SLC22A23: variants seen among roughly 807,000 people sequenced by gnomAD.
SLC22A23 encodes solute carrier family 22 member 23, also known as ion transporter protein.
In SLC22A23, 26 loss-of-function variants were observed where a neutral mutation model predicts 61.0. The observed-to-expected ratio is 0.43, with a 90% CI of 0.31 to 0.59. The LOEUF (loss-of-function observed/expected upper bound fraction) is 0.59. SLC22A23 is among the 20% of genes least tolerant of loss of function. The pLI, the probability that SLC22A23 is intolerant of heterozygous loss-of-function variation, is 0.11. For missense variants in SLC22A23, 796 were observed against 934.7 expected, an observed-to-expected ratio of 0.85 and a Z score of 1.94; for synonymous variants, 430 against 413.9, an observed-to-expected ratio of 1.04 and a Z score of -0.47.
chr6:3,342,465 T>TTC lies in SLC22A23; in HGVS notation c.914-18465_914-18464dup, dbSNP rs1764205361. Among the ~76,000 whole-genome samples the TTC allele has an allele frequency of 1.3e-5, 2 of 152,170 alleles. No homozygotes were observed. Among genetic ancestry groups the TTC allele is most frequent in the Non-Finnish European group, 2.9e-5 (2 of 68,036 alleles). On this transcript the variant is annotated intron_variant, in intron 3 of 9. Transcript: ENST00000406686. The surrounding 1 kb of genome is among the most constrained non-coding windows in gnomAD (Gnocchi z 4.0). ...CCTCCTTTGAAACACACACACCTCT[T>TTC]TCTCTCTCCCAGTCTGCAGAGGTCC...
intron 5 of SLC22A23, among the ~76,000 whole-genome samples, chr6:3,293,423 G>A (rs944435647): frequency 2.0e-5 from 3 of 152,252 alleles, no homozygotes; most frequent in South Asian, 2.1e-4. Flanking sequence ...CCTCCGGGAC[G>A]GATTTAGAAT....
intron 3 of SLC22A23, among the ~76,000 whole-genome samples, chr6:3,376,975 G>A (rs144697476): frequency 4.6e-5 from 7 of 152,028 alleles, no homozygotes; most frequent in East Asian, 1.9e-4. Context: ...TGAAGGTGTC[G>A]GGGGAAGGGC....
At chr6:3,290,439 A>G (rs1255285332) in intron 5 of SLC22A23, 2 of 178,672 alleles carry the variant, frequency 1.1e-5, no homozygotes, top group African/African-American at 4.8e-5. Context: ...ACATAAGTGA[A>G]CACATCTGCG....
At chr6:3,359,491 C>G (rs944055919) in intron 3 of SLC22A23, among the ~76,000 whole-genome samples, 3 of 152,196 alleles carry the variant, frequency 2.0e-5, no homozygotes, top group African/African-American at 4.8e-5. Context: ...AATGTGGTAG[C>G]CCTTCACATC....
chr6:3,279,509 C>CAAAAAAAAAA lies in SLC22A23; in HGVS notation c.1703+4333_1703+4342dup, dbSNP rs10642564. On this transcript the variant is annotated intron_variant, in intron 9 of 9. Transcript: ENST00000406686. ...CTGGCAACAGAGCAAGGCTCCGTCT[C>CAAAAAAAAAA]AAAAAAAAAAAAAAAAAAAAAAAAA... is the stretch of plus-strand genomic sequence containing the variant. Among the ~76,000 whole-genome samples the CAAAAAAAAAA allele has an allele frequency of 4.9e-3, 176 of 36,012 alleles. 42 individuals are homozygous for CAAAAAAAAAA. Among genetic ancestry groups the CAAAAAAAAAA allele is most frequent in the African/African-American group, 8.6e-3 (117 of 13,640 alleles). 23.6% of individuals were successfully genotyped at this position (36,012 alleles called of 152,430 possible). A position where few individuals can be genotyped will look rare whatever the true frequency, so the allele number is the denominator to read the frequency against.
At chr6:3,326,119 C>A (rs1321555140) in intron 3 of SLC22A23, among the ~76,000 whole-genome samples, 5 of 152,212 alleles carry the variant, frequency 3.3e-5, no homozygotes, top group African/African-American at 9.6e-5. Flanking sequence ...TCTAGGTTTG[C>A]GGATGAGCAG....
intron 1 of SLC22A23, among the ~76,000 whole-genome samples, chr6:3,455,589 A>G (rs1344788719): frequency 6.6e-6 from 1 of 152,194 alleles, no homozygotes; most frequent in Non-Finnish European, 1.5e-5. Flanking sequence ...GCAGACCTTG[A>G]ACGACGCCAG....
intron 3 of SLC22A23, among the ~76,000 whole-genome samples, chr6:3,371,207 G>A (rs1329963530): frequency 6.6e-6 from 1 of 152,236 alleles, no homozygotes; most frequent in African/African-American, 2.4e-5. Flanking sequence ...ACAAGTCAGA[G>A]TGCCAAGGGC....
At chr6:3,294,440 A>C (rs1182529334) in intron 5 of SLC22A23, among the ~76,000 whole-genome samples, 2 of 152,210 alleles carry the variant, frequency 1.3e-5, no homozygotes, top group African/African-American at 2.4e-5. Context: ...TGGAAAGCTC[A>C]ACCAGTAAGT....
chr6:3,353,150 C>G (rs920692449), intron 3 of SLC22A23, among the ~76,000 whole-genome samples: 2 of 152,216 alleles, frequency 1.3e-5, no homozygotes, highest in African/African-American at 4.8e-5. Context: ...ATTATTACTT[C>G]CCTGCTCACA....
chr6:3,432,185 C>T (rs1770910055), intron 1 of SLC22A23: 7 of 985,142 alleles, frequency 7.1e-6, no homozygotes, highest in Non-Finnish European at 8.4e-6. Flanking sequence ...TCTCCTGCAT[C>T]TGAGCCCAGT....
chr6:3,285,138 A>G (rs750877061), intron 7 of SLC22A23, 27 bp from the exon 8 acceptor site: 25 of 1,612,966 alleles, frequency 1.5e-5, no homozygotes, highest in Non-Finnish European at 2.0e-5. Context: ...GATCGCACCC[A>G]CACGGACAAG....
At chr6:3,384,630 A>C (rs1327952825) in intron 3 of SLC22A23, among the ~76,000 whole-genome samples, 3 of 152,228 alleles carry the variant, frequency 2.0e-5, no homozygotes, top group African/African-American at 7.2e-5. Flanking sequence ...AAATGTCAAT[A>C]AAAACTTTTA....
At position 3,456,682 on chromosome 6, in the gene SLC22A23, G is replaced by T. The variant is rs1221562970; in HGVS notation, c.-123C>A. 3 of 603,832 alleles carry T rather than the reference G, an allele frequency of 5.0e-6. No individual in the cohort carries two copies. The highest frequency in any genetic ancestry group is 6.2e-6 in the Non-Finnish European group (3 of 484,126). The allele number at this position is 603,832 out of a possible 1,614,324, so 37.4% of individuals were successfully genotyped here. ...TGCCGCCGAGGAGGGCCCGCGGCTC[G>T]AGAGAGAGCGCTCGGCGGCTCCGGG... On this transcript the variant is annotated 5_prime_UTR_variant, in exon 1 of 10. Coordinates refer to ENST00000406686, the MANE Select transcript of SLC22A23 (RefSeq NM_015482.2). The surrounding 1 kb of genome is among the most constrained non-coding windows in gnomAD (Gnocchi z 7.1).
At chr6:3,277,808 A>G (rs1759050486) in intron 9 of SLC22A23, among the ~76,000 whole-genome samples, 1 of 152,248 alleles carries the variant, frequency 6.6e-6, no homozygotes, top group African/African-American at 2.4e-5. Context: ...TCAAGGTACA[A>G]GGTACAAATA....
At chr6:3,315,781 G>A (rs1040448611) in intron 4 of SLC22A23, among the ~76,000 whole-genome samples, 5 of 152,002 alleles carry the variant, frequency 3.3e-5, no homozygotes, top group Admixed American at 6.5e-5. Context: ...GGAGAATGGC[G>A]TGAACCCAGG....
chr6:3,450,185 A>G (rs1249951242), intron 1 of SLC22A23, among the ~76,000 whole-genome samples: 4 of 152,264 alleles, frequency 2.6e-5, no homozygotes, highest in Admixed American at 2.6e-4. Flanking sequence ...TTTCTGTACA[A>G]TGTACATGTA....
At chr6:3,326,340 C>T (rs1763279791) in intron 3 of SLC22A23, among the ~76,000 whole-genome samples, 1 of 152,200 alleles carries the variant, frequency 6.6e-6, no homozygotes, top group African/African-American at 2.4e-5. Flanking sequence ...AGCGTGTGAA[C>T]CTGCTGTGTC....
chr6:3,289,892 C>T, intron 5 of SLC22A23, 26 bp from the exon 6 acceptor site: 1 of 1,600,114 alleles, frequency 6.2e-7, no homozygotes, highest in Non-Finnish European at 8.5e-7. Context: ...CCCTGTGAGC[C>T]CTGGGCAGGC....
Sources: gnomAD v4.1 joint callset for allele counts (sites outside exome capture counted in the v4.1 genomes callset) on GRCh38, gnomAD v4.1.1 for gene constraint, Gnocchi (gnomAD v3.1) non-coding constraint, MANE v1.5 for transcripts, NCBI Gene and HGNC (gene_info 2026-07-23, HGNC 2026-07-21) for gene names.